PSEN1: variants seen among roughly 807,000 people sequenced by gnomAD.
The protein encoded by PSEN1 is presenilin-1.
PSEN1 carries 15 observed loss-of-function variants against 53.5 expected under a neutral mutation model. The ratio of observed to expected loss-of-function variants is 0.28; its 90% CI spans 0.19 to 0.43. PSEN1 has a LOEUF of 0.43. Among genes scored for constraint, PSEN1 ranks in the 20% least tolerant of loss-of-function variants. The pLI is 1.00. For missense variants in PSEN1, 387 were observed against 571.2 expected (o/e 0.68, Z 3.29); for synonymous variants, 208 against 209.8 (o/e 0.99, Z 0.08).
chr14:73,194,389 T>C (rs754577660), intron 7 of PSEN1, among the ~76,000 whole-genome samples: 6 of 151,948 alleles, frequency 3.9e-5, no homozygotes, highest in Non-Finnish European at 8.8e-5. Flanking sequence ...TCAAAGTAGA[T>C]AGAACTACAG....
intron 9 of PSEN1, among the ~76,000 whole-genome samples, chr14:73,211,560 G>A (rs186543682): frequency 5.9e-5 from 9 of 152,214 alleles, no homozygotes; most frequent in African/African-American, 1.7e-4. Context: ...GAGGGGGTGG[G>A]AACCCAAACA....
Position 73,219,262 on chromosome 14 carries a change from A to G in PSEN1, c.1377A>G (p.Gln459=), listed in dbSNP as rs201496204. The change falls in exon 12 of 12, where the codon CAA becomes CAG. Residue 459 remains glutamine (Q), a synonymous_variant. Transcript: ENST00000324501. The part of the protein sequence containing the change: ...TDYLVQPFMD[Q]LAFHQFYI ...ATCTTGTACAGCCTTTTATGGACCA[A>G]TTAGCATTCCATCAATTTTATATCT... 64 of 1,613,650 alleles carry G rather than the reference A, an allele frequency of 4.0e-5. No individual in the cohort carries two copies. The highest frequency in any genetic ancestry group is 1.6e-4 in the Middle Eastern group (1 of 6,084).
chr14:73,195,072 A>G (rs1898886243), intron 7 of PSEN1, among the ~76,000 whole-genome samples: 2 of 152,242 alleles, frequency 1.3e-5, no homozygotes, highest in African/African-American at 4.8e-5. Flanking sequence ...GTTGTATAGT[A>G]CTTGATGGTT....
At chr14:73,184,805 C>G (rs1214289406) in intron 5 of PSEN1, among the ~76,000 whole-genome samples, 2 of 151,140 alleles carry the variant, frequency 1.3e-5, no homozygotes, top group South Asian at 4.2e-4. Context: ...CCTCACTTCC[C>G]AGACGGGGCG....
At chr14:73,155,686 G>C (rs1384778872) in intron 3 of PSEN1, among the ~76,000 whole-genome samples, 1 of 151,634 alleles carries the variant, frequency 6.6e-6, no homozygotes, top group Non-Finnish European at 1.5e-5. Context: ...TTTGCTGTTA[G>C]TTTCACTTTT....
intron 6 of PSEN1, among the ~76,000 whole-genome samples, chr14:73,187,127 G>A (rs571068935): frequency 8.5e-5 from 13 of 152,310 alleles, no homozygotes; most frequent in African/African-American, 2.2e-4. Flanking sequence ...AAGTAGAACT[G>A]AAAGAACTTA....
At chr14:73,154,294 A>G (rs1015877395) in intron 3 of PSEN1, among the ~76,000 whole-genome samples, 1 of 152,144 alleles carries the variant, frequency 6.6e-6, no homozygotes, top group African/African-American at 2.4e-5. Context: ...TCAACTACAC[A>G]CAATTATAAA....
At chr14:73,198,849 C>A (rs1899062085) in intron 8 of PSEN1, among the ~76,000 whole-genome samples, 1 of 152,168 alleles carries the variant, frequency 6.6e-6, no homozygotes, top group Non-Finnish European at 1.5e-5. Context: ...TCATGGCTCA[C>A]TGCAGCCTCG....
At chr14:73,159,821 G>T (rs781598110) in intron 3 of PSEN1, among the ~76,000 whole-genome samples, 1 of 152,028 alleles carries the variant, frequency 6.6e-6, no homozygotes, top group Non-Finnish European at 1.5e-5. Flanking sequence ...TGGACTACTT[G>T]AGTTTTTTTC....
chr14:73,145,144 C>T (rs1897034409), intron 1 of PSEN1, among the ~76,000 whole-genome samples: 1 of 151,654 alleles, frequency 6.6e-6, no homozygotes, highest in Non-Finnish European at 1.5e-5. Flanking sequence ...CTGTGTGCCT[C>T]AGCCTCCCAT....
At chr14:73,215,579 A>G (rs998492569) in intron 10 of PSEN1, among the ~76,000 whole-genome samples, 10 of 152,102 alleles carry the variant, frequency 6.6e-5, no homozygotes, top group African/African-American at 2.4e-4. Flanking sequence ...GCTGAGAGAA[A>G]ATATATGCAA....
At chr14:73,212,347 G>A (rs138479907) in intron 10 of PSEN1, among the ~76,000 whole-genome samples, 3,384 of 152,020 alleles carry the variant, frequency 0.022, 128 homozygotes, top group African/African-American at 0.074. Context: ...CTGACATCAT[G>A]ATCTGCCTGC....
At chr14:73,202,753 T>C (rs1899282026) in intron 8 of PSEN1, among the ~76,000 whole-genome samples, 1 of 151,612 alleles carries the variant, frequency 6.6e-6, no homozygotes. Context: ...ATTACAGGCG[T>C]GAGCCACCGT....
chr14:73,206,898 A>G (rs1363081941), intron 9 of PSEN1, among the ~76,000 whole-genome samples: 1 of 152,240 alleles, frequency 6.6e-6, no homozygotes. Context: ...AAATATAAAC[A>G]ACATAAAAAT....
chr14:73,162,923 T>G (rs1360898065), intron 3 of PSEN1, among the ~76,000 whole-genome samples: 2 of 152,238 alleles, frequency 1.3e-5, no homozygotes, highest in East Asian at 1.9e-4. Context: ...TACCTTTTAA[T>G]ACTTTCTTTG....
intron 6 of PSEN1, among the ~76,000 whole-genome samples, chr14:73,190,295 C>A (rs1217350849): frequency 6.6e-6 from 1 of 151,800 alleles, no homozygotes; most frequent in Non-Finnish European, 1.5e-5. Context: ...CTAGACCATC[C>A]TGGGCAACAT....
At chr14:73,170,042 G>T (rs191216861) in intron 3 of PSEN1, among the ~76,000 whole-genome samples, 160 of 152,298 alleles carry the variant, frequency 1.1e-3, no homozygotes, top group Non-Finnish European at 3.1e-4. Flanking sequence ...GACCATACAA[G>T]GTAACTTCCG....
At chr14:73,178,276 G>A (rs1166958098) in intron 5 of PSEN1, among the ~76,000 whole-genome samples, 1 of 147,300 alleles carries the variant, frequency 6.8e-6, no homozygotes, top group Non-Finnish European at 1.5e-5. Flanking sequence ...CTGGAGTGCA[G>A]TGATGTGATT....
chr14:73,150,599 TA>T (rs35632933), intron 3 of PSEN1, among the ~76,000 whole-genome samples: 4 of 147,492 alleles, frequency 2.7e-5, no homozygotes, highest in East Asian at 2.0e-4. Context: ...CTGTCTCTAC[TA>T]AAAAAAAATG....
Sources: gnomAD v4.1 joint callset for allele counts (sites outside exome capture counted in the v4.1 genomes callset) on GRCh38, gnomAD v4.1.1 for gene constraint, MANE v1.5 for transcripts, NCBI Gene and HGNC (gene_info 2026-07-23, HGNC 2026-07-21) for gene names.